PABPC4L: variants seen among roughly 807,000 people sequenced by gnomAD.
PABPC4L encodes poly(A) binding protein cytoplasmic 4 like, also known as polyadenylate-binding protein 4-like.
For synonymous variants in PABPC4L, 169 were observed against 164.1 expected (o/e 1.03, Z -0.23); for missense variants, 452 against 451.4 (o/e 1.00, Z -0.01).
At chr4:134,106,370 T>C in the PABPC4L span, among the ~76,000 whole-genome samples, 1 of 151,422 alleles carries the variant, frequency 6.6e-6, no homozygotes, top group South Asian at 2.1e-4. Flanking sequence ...GTCTAATTAA[T>C]GAAACTCAAA....
the PABPC4L span, among the ~76,000 whole-genome samples, chr4:134,089,992 A>G: frequency 6.6e-6 from 1 of 152,090 alleles, no homozygotes; most frequent in African/African-American, 2.4e-5. Context: ...CTGCAGCAAG[A>G]AAAGAGAAGG....
the PABPC4L span, among the ~76,000 whole-genome samples, chr4:134,095,093 T>C: frequency 6.6e-6 from 1 of 151,816 alleles, no homozygotes; most frequent in African/African-American, 2.4e-5. Flanking sequence ...ATTGTTCTTA[T>C]AATGTTTCCA....
chr4:134,044,563 C>T, the PABPC4L span, among the ~76,000 whole-genome samples: 4 of 152,226 alleles, frequency 2.6e-5, no homozygotes, highest in Non-Finnish European at 5.9e-5. Context: ...CAGGCCCGGC[C>T]ATTTTACTTA....
the PABPC4L span, among the ~76,000 whole-genome samples, chr4:134,184,420 C>T: frequency 6.6e-6 from 1 of 151,978 alleles, no homozygotes; most frequent in African/African-American, 2.4e-5. Flanking sequence ...CTCCCCACCA[C>T]CACTGGCAAC....
the PABPC4L span, among the ~76,000 whole-genome samples, chr4:134,043,904 ATGTGTGTGTG>A: frequency 6.8e-6 from 1 of 147,544 alleles, no homozygotes; most frequent in African/African-American, 2.5e-5. Flanking sequence ...CTGTATATAT[ATGTGTGTGTG>A]TGTGTGTGTG....
chr4:134,155,963 T>A, the PABPC4L span, among the ~76,000 whole-genome samples: 1 of 152,126 alleles, frequency 6.6e-6, no homozygotes, highest in East Asian at 1.9e-4. Context: ...AATTATAGTT[T>A]GTCTAAGGAA....
the PABPC4L span, among the ~76,000 whole-genome samples, chr4:134,135,234 T>C: frequency 6.6e-6 from 1 of 152,062 alleles, no homozygotes; most frequent in Admixed American, 6.6e-5. Context: ...GTTCATGATT[T>C]TAAGGGGTAA....
the PABPC4L span, among the ~76,000 whole-genome samples, chr4:134,161,761 C>T: frequency 1.6e-4 from 25 of 151,942 alleles, no homozygotes; most frequent in Non-Finnish European, 3.4e-4. Flanking sequence ...AGTACACAGA[C>T]AATACAGAAT....
the PABPC4L span, among the ~76,000 whole-genome samples, chr4:134,015,544 C>A: frequency 1.3e-5 from 2 of 152,174 alleles, no homozygotes; most frequent in Non-Finnish European, 2.9e-5. Flanking sequence ...GCTTCACAGA[C>A]AGCCCCCATT....
the PABPC4L span, among the ~76,000 whole-genome samples, chr4:134,179,746 T>C: frequency 6.6e-6 from 1 of 151,832 alleles, no homozygotes; most frequent in South Asian, 2.1e-4. Flanking sequence ...TTCTAATTGG[T>C]TTAAAGATAC....
chr4:133,984,859 G>A, the PABPC4L span, among the ~76,000 whole-genome samples: 2 of 151,344 alleles, frequency 1.3e-5, no homozygotes, highest in African/African-American at 4.8e-5. Context: ...CACTCATAGA[G>A]AAAAAAAAGT....
At chr4:134,170,659 A>G in the PABPC4L span, among the ~76,000 whole-genome samples, 1 of 152,058 alleles carries the variant, frequency 6.6e-6, no homozygotes, top group Admixed American at 6.6e-5. Flanking sequence ...TCTTGTAAGA[A>G]CTCACTATCA....
chr4:133,953,626 GAAGT>G, the PABPC4L span, among the ~76,000 whole-genome samples: 6 of 152,212 alleles, frequency 3.9e-5, no homozygotes, highest in African/African-American at 1.4e-4. Context: ...TCGTGTCCTA[GAAGT>G]GGACTCTTGA....
At chr4:134,101,321 G>T in the PABPC4L span, among the ~76,000 whole-genome samples, 1 of 151,548 alleles carries the variant, frequency 6.6e-6, no homozygotes, top group Non-Finnish European at 1.5e-5. Flanking sequence ...TAATATCAGA[G>T]AATACTCAGA....
chr4:134,056,508 A>G, the PABPC4L span, among the ~76,000 whole-genome samples: 2 of 151,892 alleles, frequency 1.3e-5, no homozygotes, highest in Admixed American at 1.3e-4. Flanking sequence ...TTTCATTTCT[A>G]TTAGCAGTGG....
the PABPC4L span, among the ~76,000 whole-genome samples, chr4:134,124,988 A>G: frequency 0.031 from 4,684 of 152,190 alleles, 125 homozygotes; most frequent in Admixed American, 0.081. Flanking sequence ...TATATTATTG[A>G]AGACCACACC....
chr4:134,046,090 G>C, the PABPC4L span, among the ~76,000 whole-genome samples: 4 of 152,132 alleles, frequency 2.6e-5, no homozygotes, highest in African/African-American at 7.2e-5. Flanking sequence ...AGAAAGAACA[G>C]TGGGCCCAGG....
At chr4:134,089,624 A>C in the PABPC4L span, among the ~76,000 whole-genome samples, 6 of 152,164 alleles carry the variant, frequency 3.9e-5, no homozygotes, top group African/African-American at 9.7e-5. Flanking sequence ...AAAAAACATA[A>C]TATCTACAGT....
At chr4:134,001,931 T>G in the PABPC4L span, among the ~76,000 whole-genome samples, 15 of 152,100 alleles carry the variant, frequency 9.9e-5, no homozygotes, top group South Asian at 3.1e-3. Context: ...AGCTAATGAT[T>G]TCAGAATCAA....
Sources: allele counts gnomAD v4.1 joint callset (sites outside exome capture counted in the v4.1 genomes callset), GRCh38; gene constraint gnomAD v4.1.1; transcripts MANE v1.5; gene names NCBI Gene and HGNC (gene_info 2026-07-23, HGNC 2026-07-21).